SLIT2: variants seen among roughly 807,000 people sequenced by gnomAD.
SLIT2 encodes slit guidance ligand 2, also known as slit homolog 2 protein.
Under a neutral mutation model 185.7 loss-of-function variants are expected in SLIT2, and 41 were observed. That is an observed-to-expected ratio of 0.22 (90% CI 0.17 to 0.29). The LOEUF (loss-of-function observed/expected upper bound fraction) is 0.29. Among genes scored for constraint, SLIT2 ranks in the 10% least tolerant of loss-of-function variants. The pLI is 1.00. For synonymous variants in SLIT2, 693 were observed against 680.2 expected (o/e 1.02, Z -0.29); for missense variants, 1,571 against 1,909.0 (o/e 0.82, Z 3.30).
chr4:20,541,681 T>G, intron 20 of SLIT2, 62 bp downstream of exon 20: 1 of 1,390,836 alleles, frequency 7.2e-7, no homozygotes, highest in Admixed American at 1.7e-5. Flanking sequence ...TGATGCAGCT[T>G]TGCACAAATC....
At chr4:20,449,350 T>C (rs1030482277) in intron 4 of SLIT2, among the ~76,000 whole-genome samples, 11 of 152,336 alleles carry the variant, frequency 7.2e-5, no homozygotes, top group South Asian at 2.1e-4. Context: ...AGACAATGTA[T>C]TGGTTTTGTT....
intron 9 of SLIT2, among the ~76,000 whole-genome samples, chr4:20,499,727 A>T (rs1336570953): frequency 2.0e-5 from 3 of 152,052 alleles, no homozygotes; most frequent in African/African-American, 7.2e-5. Context: ...TGACCTCGTG[A>T]TCTGCCTGCC....
At chr4:20,504,182 G>A (rs906831481) in intron 9 of SLIT2, among the ~76,000 whole-genome samples, 1 of 152,086 alleles carries the variant, frequency 6.6e-6, no homozygotes, top group South Asian at 2.1e-4. Flanking sequence ...AAGGAATATT[G>A]TCTTCCTCCT....
intron 26 of SLIT2, among the ~76,000 whole-genome samples, chr4:20,555,220 TG>T (rs771613457): frequency 1.3e-5 from 2 of 152,160 alleles, no homozygotes; most frequent in Non-Finnish European, 2.9e-5. Context: ...GAGAACTTCA[TG>T]GTATGGCCTT....
At chr4:20,525,355 T>A (rs1034245125) in intron 15 of SLIT2, among the ~76,000 whole-genome samples, 183 bp downstream of exon 15, 1 of 3,658 alleles carries the variant, frequency 2.7e-4, no homozygotes, top group Non-Finnish European at 4.3e-4. Context: ...CAGCTTCTGA[T>A]GTTAAACATA....
chr4:20,596,078 C>T (rs1222737523), intron 31 of SLIT2, among the ~76,000 whole-genome samples: 5 of 151,912 alleles, frequency 3.3e-5, no homozygotes, highest in African/African-American at 1.2e-4. Flanking sequence ...TTACTAGGTA[C>T]CCACAAAAAT....
chr4:20,442,840 A>G lies in SLIT2; in HGVS notation c.396-24912A>G, dbSNP rs144602751. Among the ~76,000 whole-genome samples, 16 of 152,258 alleles carry G rather than the reference A, an allele frequency of 1.1e-4. No individual in the cohort carries two copies. The East Asian group carries it at 2.9e-3, about 28-fold the overall frequency. On this transcript the variant is annotated intron_variant, in intron 4 of 36. Transcript: ENST00000504154. Reference sequence around the variant, plus strand: ...GAAGGCTAAAGTTTCACATCTACTTAATATGTTTCTACGGAGTGTTTAGAT... The same window carrying G: ...GAAGGCTAAAGTTTCACATCTACTTGATATGTTTCTACGGAGTGTTTAGAT...
chr4:20,362,235 T>C (rs909418018), intron 4 of SLIT2, among the ~76,000 whole-genome samples: 1 of 152,152 alleles, frequency 6.6e-6, no homozygotes, highest in African/African-American at 2.4e-5. Flanking sequence ...GATGGTTCTG[T>C]CTGCCTAATT....
intron 9 of SLIT2, among the ~76,000 whole-genome samples, chr4:20,495,673 T>G (rs1718172055): frequency 6.6e-6 from 1 of 152,132 alleles, no homozygotes; most frequent in African/African-American, 2.4e-5. Flanking sequence ...AAAGCTACAA[T>G]AAATTAAATT....
rs1192695217 is a variant in SLIT2, at chr4:20,480,640, C to T, written c.468-76C>T. 2.2e-5 allele frequency: 23 copies of T among 1,057,070 alleles called. No homozygotes were observed. In the East Asian group the frequency reaches 2.8e-4, roughly 13 times the overall value. The allele number at this position is 1,057,070 out of a possible 1,614,324, so 65.5% of individuals were successfully genotyped here. On this transcript the variant is annotated intron_variant, in intron 5 of 36. Transcript: ENST00000504154. ...GAGTGTGTCCAGGGTATCATAGACC[C>T]TTCAGGAAACTTCTCATCACCTACC...
intron 4 of SLIT2, among the ~76,000 whole-genome samples, chr4:20,374,003 G>T (rs1577525399): frequency 1.3e-5 from 2 of 152,222 alleles, no homozygotes; most frequent in East Asian, 3.9e-4. Flanking sequence ...GTGAGAGACA[G>T]TGTGTGTAGT....
At chr4:20,566,557 A>G (rs888413614) in intron 26 of SLIT2, among the ~76,000 whole-genome samples, 1 of 152,086 alleles carries the variant, frequency 6.6e-6, no homozygotes, top group Non-Finnish European at 1.5e-5. Context: ...GTCTCCCAAA[A>G]CATGATTTTG....
intron 4 of SLIT2, among the ~76,000 whole-genome samples, chr4:20,448,256 A>G (rs1712042194): frequency 6.6e-6 from 1 of 152,134 alleles, no homozygotes; most frequent in African/African-American, 2.4e-5. Context: ...CTTTTATATG[A>G]CCCAATGGTA....
At chr4:20,304,734 C>T (rs1247970331) in intron 4 of SLIT2, among the ~76,000 whole-genome samples, 3 of 152,092 alleles carry the variant, frequency 2.0e-5, no homozygotes, top group African/African-American at 7.2e-5. Context: ...CCAGTCCCAG[C>T]GCTCAGGCCA....
chr4:20,318,777 T>A (rs1718811129), intron 4 of SLIT2, among the ~76,000 whole-genome samples: 1 of 152,100 alleles, frequency 6.6e-6, no homozygotes, highest in South Asian at 2.1e-4. Context: ...GAGAGAGAAA[T>A]GGTAAATTAG....
At chr4:20,485,731 C>T (rs1577758825) in intron 6 of SLIT2, among the ~76,000 whole-genome samples, 1 of 152,108 alleles carries the variant, frequency 6.6e-6, no homozygotes, top group Admixed American at 6.6e-5. Context: ...GGACTCTGTT[C>T]CAAAGCCTGA....
intron 10 of SLIT2, 45 bp from the exon 11 acceptor site, chr4:20,511,021 A>G: frequency 8.2e-7 from 1 of 1,224,414 alleles, no homozygotes; most frequent in Non-Finnish European, 1.2e-6. Flanking sequence ...AGTAAATCTC[A>G]CTGACATTTG....
At chr4:20,274,714 A>T (rs889664802) in intron 4 of SLIT2, among the ~76,000 whole-genome samples, 1 of 151,686 alleles carries the variant, frequency 6.6e-6, no homozygotes, top group Non-Finnish European at 1.5e-5. Flanking sequence ...TAAGAAAATC[A>T]AATGCAAGAA....
intron 11 of SLIT2, among the ~76,000 whole-genome samples, chr4:20,512,241 G>A (rs1312309530): frequency 6.6e-6 from 1 of 152,120 alleles, no homozygotes. Flanking sequence ...AGATACACAT[G>A]TGCGAGACCC....
Sources: allele counts gnomAD v4.1 joint callset (sites outside exome capture counted in the v4.1 genomes callset), GRCh38; gene constraint gnomAD v4.1.1; transcripts MANE v1.5; gene names NCBI Gene and HGNC (gene_info 2026-07-23, HGNC 2026-07-21).